STAG1: variants seen among roughly 807,000 people sequenced by gnomAD.
The protein encoded by STAG1 is cohesin subunit SA-1.
A neutral mutation model predicts 170.9 loss-of-function variants in STAG1; 26 were observed. That is an observed-to-expected ratio of 0.15 (90% confidence interval 0.11 to 0.21). STAG1 has a LOEUF of 0.21. Among genes scored for constraint, STAG1 ranks in the 10% least tolerant of loss-of-function variants. The probability of loss-of-function intolerance (pLI) is 1.00; values close to 1 mark genes in which losing one functional copy is unlikely to be tolerated. For missense variants in STAG1, 964 were observed against 1,509.5 expected (o/e 0.64, Z 5.99); for synonymous variants, 514 against 497.7 (o/e 1.03, Z -0.44).
intron 16 of STAG1, among the ~76,000 whole-genome samples, chr3:136,423,691 A>C (rs964590694): frequency 6.6e-6 from 1 of 152,178 alleles, no homozygotes; most frequent in African/African-American, 2.4e-5. Context: ...ATTTCCCCTA[A>C]GTATTCTGCA....
intron 6 of STAG1, among the ~76,000 whole-genome samples, chr3:136,526,421 T>C (rs940275059): frequency 5.3e-5 from 8 of 152,296 alleles, no homozygotes; most frequent in South Asian, 4.1e-4. Context: ...TTGCAACCCC[T>C]GCCTTTTTTT....
chr3:136,463,816 CAT>C (rs1262939269), intron 13 of STAG1, among the ~76,000 whole-genome samples: 10 of 138,062 alleles, frequency 7.2e-5, no homozygotes, highest in Admixed American at 2.9e-4. Context: ...CATATATACA[CAT>C]ATATTCATAT....
intron 9 of STAG1, among the ~76,000 whole-genome samples, chr3:136,479,246 G>A (rs1169186785): frequency 2.0e-4 from 18 of 88,190 alleles, no homozygotes; most frequent in Middle Eastern, 7.7e-3. Context: ...CCCCACCACC[G>A]TCCCCAGAGT....
At chr3:136,516,768 C>T (rs1934399770) in intron 7 of STAG1, among the ~76,000 whole-genome samples, 1 of 152,180 alleles carries the variant, frequency 6.6e-6, no homozygotes, top group Non-Finnish European at 1.5e-5. Flanking sequence ...AAATGCCAAG[C>T]ATTGTCCCAA....
intron 22 of STAG1, among the ~76,000 whole-genome samples, chr3:136,381,037 GAAA>G (rs58810961): frequency 9.5e-6 from 1 of 105,040 alleles, no homozygotes; most frequent in Admixed American, 9.3e-5. Flanking sequence ...AAAAAAAAAA[GAAA>G]AAAAAAAAAA....
intron 15 of STAG1, among the ~76,000 whole-genome samples, chr3:136,436,333 G>A (rs1283184453): frequency 6.6e-6 from 1 of 151,026 alleles, no homozygotes; most frequent in Non-Finnish European, 1.5e-5. Flanking sequence ...CCAGGCTGGA[G>A]TACAGTGGCG....
chr3:136,663,185 A>G lies in STAG1; in HGVS notation c.-83-32204T>C, dbSNP rs573286776. On this transcript the variant is annotated intron_variant, in intron 1 of 33. Transcript: ENST00000383202. ...ATAAAAAAGCTGTTTGTTTTTTTAA[A>G]AAGGATATATATGTATGGATGAGTA... 5.9e-5 allele frequency among the ~76,000 whole-genome samples: 9 copies of G among 152,330 alleles called. No homozygotes were observed. In the East Asian group the frequency reaches 1.7e-3, roughly 29 times the overall value.
At chr3:136,369,571 A>T (rs1937212589) in intron 23 of STAG1, among the ~76,000 whole-genome samples, 1 of 152,160 alleles carries the variant, frequency 6.6e-6, no homozygotes, top group African/African-American at 2.4e-5. Context: ...ACTTTTAAAA[A>T]ATGAGTTTAA....
At chr3:136,608,115 G>C (rs1239245200) in intron 3 of STAG1, among the ~76,000 whole-genome samples, 1 of 152,144 alleles carries the variant, frequency 6.6e-6, no homozygotes, top group Admixed American at 6.5e-5. Context: ...AAATTATCCA[G>C]GCGTGGTGGC....
At chr3:136,348,954 C>T (rs1936337157) in intron 29 of STAG1, 1 of 578,862 alleles carries the variant, frequency 1.7e-6, no homozygotes, top group East Asian at 2.9e-5. Flanking sequence ...CCTTTGTGCT[C>T]CATGCTTCCT....
chr3:136,735,403 G>C (rs866613098), intron 1 of STAG1, among the ~76,000 whole-genome samples: 2 of 151,772 alleles, frequency 1.3e-5, no homozygotes, highest in South Asian at 4.2e-4. Context: ...TGGGATTACA[G>C]GCATGAGCCA....
At chr3:136,367,141 C>T (rs983335839) in intron 24 of STAG1, 59 bp from the exon 25 acceptor site, 22 of 1,359,066 alleles carry the variant, frequency 1.6e-5, no homozygotes, top group Admixed American at 2.0e-5. Context: ...TAAAACAATG[C>T]AGATAATCTG....
At chr3:136,467,514 C>A (rs935546625) in intron 12 of STAG1, among the ~76,000 whole-genome samples, 9 of 151,976 alleles carry the variant, frequency 5.9e-5, no homozygotes, top group African/African-American at 2.2e-4. Context: ...TAAAGAAAGT[C>A]CTAAAAGACC....
At chr3:136,702,131 C>T (rs866518946) in intron 1 of STAG1, among the ~76,000 whole-genome samples, 1 of 89,606 alleles carries the variant, frequency 1.1e-5, no homozygotes, top group African/African-American at 5.8e-5. Context: ...GACAGAGAGA[C>T]AGAGAGACAG....
At chr3:136,667,277 G>A (rs1941816960) in intron 1 of STAG1, among the ~76,000 whole-genome samples, 1 of 152,070 alleles carries the variant, frequency 6.6e-6, no homozygotes, top group Non-Finnish European at 1.5e-5. Context: ...GTTGGATGTG[G>A]TGACTCACAC....
Position 136,473,523 on chromosome 3 carries a change from C to T in STAG1, c.1125+16G>A, listed in dbSNP as rs752411577. The T allele has an allele frequency of 3.9e-6, 6 of 1,556,676 alleles. No homozygotes were observed. The South Asian group carries it at 5.8e-5, about 15-fold the overall frequency. ...AAAGAGAAAAATTAAATAAGCTTAT[C>T]ATTCTTGATGCTTACCTTGAATCGG... On this transcript the variant is annotated intron_variant, in intron 11 of 33. Coordinates refer to ENST00000383202, the MANE Select transcript of STAG1 (RefSeq NM_005862.3).
At chr3:136,476,380 G>A (rs1005304240) in intron 10 of STAG1, among the ~76,000 whole-genome samples, 2 of 152,208 alleles carry the variant, frequency 1.3e-5, no homozygotes, top group African/African-American at 2.4e-5. Flanking sequence ...GTCAAGGGGG[G>A]TGGGAACACA....
intron 1 of STAG1, among the ~76,000 whole-genome samples, chr3:136,648,192 A>C (rs912539188): frequency 2.6e-5 from 4 of 152,202 alleles, no homozygotes; most frequent in African/African-American, 9.7e-5. Context: ...AAACCCATAG[A>C]TCTCCACATT....
chr3:136,363,586 TA>T (rs1936959507), intron 25 of STAG1, 119 bp from the exon 26 acceptor site: 2 of 465,028 alleles, frequency 4.3e-6, no homozygotes, highest in Non-Finnish European at 7.5e-6. Flanking sequence ...GGTTGGTTGG[TA>T]AAAGAAAGGA....
Sources: allele counts gnomAD v4.1 joint callset (sites outside exome capture counted in the v4.1 genomes callset), GRCh38; gene constraint gnomAD v4.1.1; transcripts MANE v1.5; gene names NCBI Gene and HGNC (gene_info 2026-07-23, HGNC 2026-07-21).